The following CDH18 variants were observed in gnomAD, a reference collection of about 807,000 sequenced individuals.
CDH18 encodes the protein cadherin 18.
Under a neutral mutation model 67.9 loss-of-function variants are expected in CDH18, and 31 were observed. The ratio of observed to expected loss-of-function variants is 0.46; its 90% CI spans 0.34 to 0.62. CDH18 has a LOEUF of 0.62. Among genes scored for constraint, CDH18 ranks in the 20% least tolerant of loss-of-function variants. CDH18 has a pLI of 0.01. For synonymous variants in CDH18, 362 were observed against 347.2 expected, an observed-to-expected ratio of 1.04 and a Z score of -0.48; for missense variants, 890 against 975.5, an observed-to-expected ratio of 0.91 and a Z score of 1.17.
intron 7 of CDH18, among the ~76,000 whole-genome samples, chr5:19,579,832 C>T (rs1173123274): frequency 6.6e-6 from 1 of 151,708 alleles, no homozygotes; most frequent in Non-Finnish European, 1.5e-5. Context: ...CCTGTCATTA[C>T]CCATTAGTAC....
At chr5:20,431,504 A>AAAAAGAAG (rs536468948) in intron 1 of CDH18, among the ~76,000 whole-genome samples, 17,635 of 135,498 alleles carry the variant, frequency 0.13, 1,276 homozygotes, top group East Asian at 0.19. Flanking sequence ...AAAAAAAAAA[A>AAAAAGAAG]AAGAAGAAGA....
At chr5:19,782,204 G>A (rs1044276947) in intron 3 of CDH18, among the ~76,000 whole-genome samples, 2 of 152,068 alleles carry the variant, frequency 1.3e-5, no homozygotes, top group Non-Finnish European at 2.9e-5. Flanking sequence ...CACAATCATG[G>A]TGGAAGGCAC....
intron 5 of CDH18, among the ~76,000 whole-genome samples, chr5:19,659,759 A>C (rs1466659360): frequency 1.3e-5 from 2 of 152,056 alleles, no homozygotes; most frequent in Non-Finnish European, 2.9e-5. Flanking sequence ...CCATCTTGGA[A>C]GCAGAGTACT....
chr5:20,416,893 G>C (rs1000816722), intron 1 of CDH18, among the ~76,000 whole-genome samples: 1 of 152,064 alleles, frequency 6.6e-6, no homozygotes, highest in Non-Finnish European at 1.5e-5. Flanking sequence ...CTTAGGGAAG[G>C]AGGGTAAAAA....
intron 2 of CDH18, among the ~76,000 whole-genome samples, chr5:19,899,175 G>A (rs1178281118): frequency 6.6e-6 from 1 of 152,108 alleles, no homozygotes; most frequent in Admixed American, 6.5e-5. Flanking sequence ...CAAGGCAGGT[G>A]GATCACCTGA....
chr5:20,402,687 C>T (rs1179929214), intron 1 of CDH18, among the ~76,000 whole-genome samples: 1 of 152,042 alleles, frequency 6.6e-6, no homozygotes, highest in Non-Finnish European at 1.5e-5. Context: ...CAGCAAGTAA[C>T]AATCTTTTCG....
chr5:20,567,209 C>A (rs187342478), intron 1 of CDH18, among the ~76,000 whole-genome samples: 2 of 152,244 alleles, frequency 1.3e-5, no homozygotes, highest in African/African-American at 2.4e-5. Context: ...TTGGAAGCAG[C>A]CACCATCCCT....
At chr5:19,825,222 T>A (rs1780281392) in intron 3 of CDH18, among the ~76,000 whole-genome samples, 1 of 151,956 alleles carries the variant, frequency 6.6e-6, no homozygotes, top group Admixed American at 6.6e-5. Flanking sequence ...GCAGGGTGGG[T>A]GACTCAACCC....
At chr5:20,129,914 A>G (rs1749123880) in intron 2 of CDH18, among the ~76,000 whole-genome samples, 1 of 151,918 alleles carries the variant, frequency 6.6e-6, no homozygotes, top group Non-Finnish European at 1.5e-5. Context: ...AAAATTGGGC[A>G]CTACATAACA....
Position 20,505,096 on chromosome 5 carries a change from G to T in CDH18, c.-580+70366C>A, listed in dbSNP as rs534814951. Among the ~76,000 whole-genome samples, 92 of 113,954 alleles carry T rather than the reference G, an allele frequency of 8.1e-4. 2 individuals are homozygous for T. The highest frequency in any genetic ancestry group is 2.7e-3 in the African/African-American group (90 of 32,800). 74.8% of individuals were successfully genotyped at this position (113,954 alleles called of 152,430 possible). On this transcript the variant is annotated intron_variant, in intron 1 of 14. Transcript: ENST00000507958. ...AAGGGAACTTTAAGCAAAGTTACTA[G>T]TAAAAAAAAATCACCAATCTATTAT... is the stretch of plus-strand genomic sequence containing the variant.
intron 1 of CDH18, among the ~76,000 whole-genome samples, chr5:20,355,704 A>G (rs1337423427): frequency 6.6e-6 from 1 of 152,230 alleles, no homozygotes; most frequent in Admixed American, 6.5e-5. Flanking sequence ...AAGGTAAGGT[A>G]AAACTACTTT....
chr5:19,999,267 AC>A (rs1736252640), intron 2 of CDH18, among the ~76,000 whole-genome samples: 1 of 151,898 alleles, frequency 6.6e-6, no homozygotes, highest in African/African-American at 2.4e-5. Context: ...CTAAACACAC[AC>A]ACATATACAC....
chr5:20,493,109 G>A (rs897077032), intron 1 of CDH18, among the ~76,000 whole-genome samples: 1 of 151,838 alleles, frequency 6.6e-6, no homozygotes, highest in African/African-American at 2.4e-5. Flanking sequence ...AGCACTCTAG[G>A]AGGCCTAGGC....
chr5:19,788,633 T>G (rs1338239310), intron 3 of CDH18, among the ~76,000 whole-genome samples: 1 of 152,184 alleles, frequency 6.6e-6, no homozygotes, highest in African/African-American at 2.4e-5. Context: ...TACATATTAG[T>G]GTTCTATCAT....
chr5:20,414,576 T>A (rs559746891), intron 1 of CDH18, among the ~76,000 whole-genome samples: 1 of 152,130 alleles, frequency 6.6e-6, no homozygotes, highest in African/African-American at 2.4e-5. Context: ...ACACAATATA[T>A]CCATGTAACC....
At chr5:20,049,718 A>C (rs1741244104) in intron 2 of CDH18, among the ~76,000 whole-genome samples, 1 of 151,702 alleles carries the variant, frequency 6.6e-6, no homozygotes, top group Admixed American at 6.6e-5. Flanking sequence ...ACCCCTATAA[A>C]CCATCCATAA....
intron 8 of CDH18, among the ~76,000 whole-genome samples, chr5:19,564,872 C>G (rs1471261134): frequency 6.6e-6 from 1 of 151,700 alleles, no homozygotes; most frequent in African/African-American, 2.4e-5. Context: ...GTGTTCAGCA[C>G]AAGCTGACAG....
At chr5:20,399,682 G>A (rs2150127423) in intron 1 of CDH18, among the ~76,000 whole-genome samples, 1 of 152,298 alleles carries the variant, frequency 6.6e-6, no homozygotes, top group South Asian at 2.1e-4. Flanking sequence ...TATTAGGTTT[G>A]TTTATAATGT....
intron 12 of CDH18, among the ~76,000 whole-genome samples, chr5:19,480,825 A>T (rs1205450751): frequency 6.6e-6 from 1 of 152,066 alleles, no homozygotes; most frequent in Non-Finnish European, 1.5e-5. Context: ...ATCATGGCTC[A>T]CTGCAGCCTC....
Sources: gnomAD v4.1 joint callset for allele counts (sites outside exome capture counted in the v4.1 genomes callset) on GRCh38, gnomAD v4.1.1 for gene constraint, MANE v1.5 for transcripts, NCBI Gene and HGNC (gene_info 2026-07-23, HGNC 2026-07-21) for gene names.